RNF19B: variants seen among roughly 807,000 people sequenced by gnomAD.
The protein encoded by RNF19B is E3 ubiquitin-protein ligase RNF19B.
A neutral mutation model predicts 65.5 loss-of-function variants in RNF19B; 23 were observed. That is an observed-to-expected ratio of 0.35 (90% CI 0.25 to 0.50). The LOEUF (loss-of-function observed/expected upper bound fraction) is 0.50, where lower values mean the gene tolerates loss of function less well. RNF19B is among the 20% of genes least tolerant of loss of function. The probability of loss-of-function intolerance (pLI) is 0.98; values close to 1 mark genes in which losing one functional copy is unlikely to be tolerated. For synonymous variants in RNF19B, 372 were observed against 379.6 expected (o/e 0.98, Z 0.23); for missense variants, 794 against 980.0 (o/e 0.81, Z 2.53).
intron 1 of RNF19B, among the ~76,000 whole-genome samples, chr1:32,954,816 C>T (rs762537545): frequency 2.6e-5 from 4 of 151,534 alleles, no homozygotes; most frequent in South Asian, 2.1e-4. Flanking sequence ...CACATTCAAA[C>T]GTAGCTAAAC....
downstream of RNF19B, among the ~76,000 whole-genome samples, chr1:32,933,173 T>C (rs1285624628): frequency 6.6e-6 from 1 of 152,210 alleles, no homozygotes; most frequent in African/African-American, 2.4e-5. Flanking sequence ...ATCTTATACC[T>C]GAAATGCGGT....
chr1:32,963,917 G>A, intron 1 of RNF19B, 134 bp downstream of exon 1: 2 of 1,327,864 alleles, frequency 1.5e-6, no homozygotes, highest in Non-Finnish European at 9.6e-7. Flanking sequence ...GGGCTTGCCT[G>A]ATGGTTACCA....
chr1:32,936,715 AT>A lies in RNF19B; in HGVS notation c.*90del. 2 of 1,240,064 alleles carry A rather than the reference AT, an allele frequency of 1.6e-6. No homozygotes were observed. Among genetic ancestry groups the A allele is most frequent in the Non-Finnish European group, 2.2e-6 (2 of 926,652 alleles). 76.8% of individuals were successfully genotyped at this position (1,240,064 alleles called of 1,614,324 possible). A position where few individuals can be genotyped will look rare whatever the true frequency, so the allele number is the denominator to read the frequency against. On this transcript the variant is annotated 3_prime_UTR_variant, in exon 9 of 9. Transcript: ENST00000235150. ...CCAGAGAATCTGTGAAATAAAATAC[AT>A]AAATCTCTACCCCTTGGAAAAAAAA...
intron 1 of RNF19B, among the ~76,000 whole-genome samples, chr1:32,950,843 CTTT>C (rs35369089): frequency 4.4e-5 from 6 of 135,476 alleles, no homozygotes; most frequent in Admixed American, 1.5e-4. Flanking sequence ...CCTTTTCATT[CTTT>C]TTTTTTTTTT....
intron 1 of RNF19B, among the ~76,000 whole-genome samples, chr1:32,955,873 CCAAT>C (rs770840349): frequency 2.0e-5 from 3 of 152,152 alleles, no homozygotes; most frequent in Non-Finnish European, 4.4e-5. Flanking sequence ...TTTAGCTTAA[CCAAT>C]CAGTCAGGCT....
chr1:32,942,303 C>T lies in RNF19B; in HGVS notation c.1559G>A (p.Gly520Glu). 6.2e-7 allele frequency: 1 copy of T among 1,614,044 alleles called. No individual in the cohort carries two copies. Among genetic ancestry groups the T allele is most frequent in the Non-Finnish European group, 8.5e-7 (1 of 1,179,894 alleles). Residue 520 changes from glycine (G) to glutamate (E), a missense_variant, in exon 7 of 9, where the codon GGG (glycine) becomes GAG (glutamate). By Grantham distance (98) the Gly-to-Glu change is moderately conservative. This residue lies in a region of RNF19B where 368 missense variants were observed against 447.3 expected (regional missense o/e 0.82). Coordinates refer to ENST00000235150, the MANE Select transcript of RNF19B (RefSeq NM_001300826.2). ...SETASFAALS[G>E]GTLSGGILSS... ...GAGAATGCCGCCACTCAGCGTGCCCCCTGAGAGGGCTGCAAAGCTGGCCGT... is the reference window on the plus strand; with the variant it reads ...GAGAATGCCGCCACTCAGCGTGCCCTCTGAGAGGGCTGCAAAGCTGGCCGT...
intron 1 of RNF19B, among the ~76,000 whole-genome samples, chr1:32,955,111 G>T (rs936562910): frequency 2.0e-5 from 3 of 151,934 alleles, no homozygotes; most frequent in African/African-American, 7.2e-5. Context: ...TTATATGCTT[G>T]CCTTCCAAAC....
chr1:32,964,089 C>G lies in RNF19B; in HGVS notation c.597G>C (p.Ser199=), dbSNP rs1453985035. The change falls in exon 1 of 9, where the codon TCG becomes TCC. Residue 199 remains serine, a synonymous_variant. Coordinates refer to ENST00000235150, the MANE Select transcript of RNF19B (RefSeq NM_001300826.2). The surrounding 1 kb of genome is among the most constrained non-coding windows in gnomAD (Gnocchi z 6.5). ...EEFMLRRYLA[S]DPDCRWCPAP... ...CCGGGCACCAGCGGCAGTCGGGGTC[C>G]GAGGCTAGGTAGCGGCGCAGCATGA... The G allele has an allele frequency of 1.3e-6, 2 of 1,525,642 alleles. No individual in the cohort carries two copies. The highest frequency in any genetic ancestry group is 2.9e-5 in the African/African-American group (2 of 69,764). 94.5% of individuals were successfully genotyped at this position (1,525,642 alleles called of 1,614,324 possible). A position where few individuals can be genotyped will look rare whatever the true frequency, so the allele number is the denominator to read the frequency against.
chr1:32,942,578 T>G (rs973877398), intron 6 of RNF19B, 119 bp from the exon 7 acceptor site: 1 of 741,172 alleles, frequency 1.3e-6, no homozygotes, highest in Non-Finnish European at 2.2e-6. Context: ...AGGTACTGTG[T>G]GCAGTCGCCA....
chr1:32,954,262 G>A (rs1642582014), intron 1 of RNF19B, among the ~76,000 whole-genome samples: 1 of 151,230 alleles, frequency 6.6e-6, no homozygotes, highest in Non-Finnish European at 1.5e-5. Flanking sequence ...GATCAACAAT[G>A]TCAATTTTGA....
At chr1:32,939,422 A>G (rs191031579) in intron 7 of RNF19B, among the ~76,000 whole-genome samples, 2 of 152,264 alleles carry the variant, frequency 1.3e-5, no homozygotes, top group African/African-American at 4.8e-5. Context: ...TCTAAACCTC[A>G]GGTGATCACC....
intron 2 of RNF19B, 55 bp from the exon 3 acceptor site, chr1:32,948,418 T>C: frequency 6.4e-7 from 1 of 1,572,956 alleles, no homozygotes; most frequent in South Asian, 1.1e-5. Context: ...TAAATCCAGT[T>C]TGATTTAATT....
intron 1 of RNF19B, among the ~76,000 whole-genome samples, chr1:32,951,560 A>G (rs1356758091): frequency 6.6e-6 from 1 of 152,196 alleles, no homozygotes; most frequent in African/African-American, 2.4e-5. Context: ...TGCCTTTTTC[A>G]TTCTTAAGTT....
chr1:32,937,366 A>C, intron 8 of RNF19B, 107 bp from the exon 9 acceptor site: 1 of 1,526,216 alleles, frequency 6.6e-7, no homozygotes, highest in Non-Finnish European at 9.0e-7. Context: ...AGATAGGTGA[A>C]CAGTTAACTA....
In RNF19B at chr1:32,937,046, C is replaced by G. The variant is rs768188822; in HGVS notation, c.1956G>C (p.Trp652Cys). The change falls in exon 9 of 9, where the codon TGG becomes TGC. Residue 652 changes from tryptophan (W) to cysteine (C), a missense_variant. Trp to Cys is a radical substitution (Grantham distance 215). This residue lies in a region of RNF19B where 368 missense variants were observed against 447.3 expected (regional missense o/e 0.82). Coordinates refer to ENST00000235150, the MANE Select transcript of RNF19B (RefSeq NM_001300826.2). ...EQKDCLASKP[W>C]DISLAQPESI... ...TTTCAGGCTGGGCCAGGCTGATGTCCCAAGGTTTGCTGGCCAGGCAGTCTT... is the reference window on the plus strand; with the variant it reads ...TTTCAGGCTGGGCCAGGCTGATGTCGCAAGGTTTGCTGGCCAGGCAGTCTT... The G allele has an allele frequency of 3.1e-6, 5 of 1,614,148 alleles. No homozygotes were observed. The East Asian group carries it at 1.1e-4, about 36-fold the overall frequency.
Position 32,946,511 on chromosome 1 carries a change from A to G in RNF19B, c.1037T>C (p.Ile346Thr). The G allele has an allele frequency of 6.2e-7, 1 of 1,614,088 alleles. No individual in the cohort carries two copies. The highest frequency in any genetic ancestry group is 8.5e-7 in the Non-Finnish European group (1 of 1,179,998). The change falls in exon 4 of 9, where the codon ATT becomes ACT. Residue 346 changes from isoleucine to threonine, a missense_variant. Physicochemically the swap from Ile to Thr is moderately conservative, Grantham distance 89. Coordinates refer to ENST00000235150, the MANE Select transcript of RNF19B (RefSeq NM_001300826.2). The part of the protein sequence containing the change: ...GKKPWSRKKK[I>T]LWQLGTLIGA... Reference sequence around the variant, plus strand: ...AATCAACGTGCCCAGCTGCCAAAGAATTTTCTTCTTACGGCTCCATGGCTT... The same window carrying G: ...AATCAACGTGCCCAGCTGCCAAAGAGTTTTCTTCTTACGGCTCCATGGCTT...
chr1:32,937,256 T>C lies in RNF19B; in HGVS notation c.1746A>G (p.Glu582=). 6.2e-7 allele frequency: 1 copy of C among 1,613,900 alleles called. No homozygotes were observed. Among genetic ancestry groups the C allele is most frequent in the Non-Finnish European group, 8.5e-7 (1 of 1,180,008 alleles). The part of the protein sequence containing the change: ...IISSYNPQDR[E]CNNMEIQVDI... ...CCACTTGGATTTCCATATTGTTGCA[T>C]TCTCTGTGGAGACAAAATCCACTTT... Residue 582 remains glutamate (E), a synonymous_variant, in exon 9 of 9, where the codon GAA becomes GAG. Transcript: ENST00000235150.
chr1:32,942,575 G>A (rs757744584), intron 6 of RNF19B, 116 bp from the exon 7 acceptor site: 13 of 759,322 alleles, frequency 1.7e-5, no homozygotes, highest in Non-Finnish European at 2.7e-5. Flanking sequence ...AACAGGTACT[G>A]TGTGCAGTCG....
chr1:32,942,663 G>A (rs1642264698), intron 6 of RNF19B, among the ~76,000 whole-genome samples: 1 of 152,204 alleles, frequency 6.6e-6, no homozygotes, highest in Non-Finnish European at 1.5e-5. Flanking sequence ...AATTTTAGAT[G>A]AGAAAACTAA....
Sources: allele counts gnomAD v4.1 joint callset (sites outside exome capture counted in the v4.1 genomes callset), GRCh38; gene constraint gnomAD v4.1.1; regional missense constraint gnomAD v4.1.1; non-coding constraint Gnocchi (gnomAD v3.1); transcripts MANE v1.5; gene names NCBI Gene and HGNC (gene_info 2026-07-23, HGNC 2026-07-21).